The following PRKG2 variants were observed in gnomAD, a reference collection of about 807,000 sequenced individuals.
PRKG2 encodes cGMP-dependent protein kinase 2.
In PRKG2, 33 loss-of-function variants were observed where a neutral mutation model predicts 97.2. The observed-to-expected ratio is 0.34, with a 90% confidence interval of 0.26 to 0.45. The LOEUF (loss-of-function observed/expected upper bound fraction) is 0.45. Among genes scored for constraint, PRKG2 ranks in the 20% least tolerant of loss-of-function variants. The probability of loss-of-function intolerance (pLI) is 1.00; values close to 1 mark genes in which losing one functional copy is unlikely to be tolerated. For missense variants in PRKG2, 638 were observed against 900.0 expected, an observed-to-expected ratio of 0.71 and a Z score of 3.73; for synonymous variants, 330 against 321.8, an observed-to-expected ratio of 1.03 and a Z score of -0.27.
chr4:81,108,229 C>T lies in PRKG2; in HGVS notation c.1940+2219G>A, dbSNP rs548956394. 7.4e-4 allele frequency among the ~76,000 whole-genome samples: 112 copies of T among 152,008 alleles called. 1 individual carries two copies. Among genetic ancestry groups the T allele is most frequent in the Admixed American group, 1.0e-3 (16 of 15,262 alleles). On this transcript the variant is annotated intron_variant, in intron 15 of 18. Transcript: ENST00000264399. ...CAAAAATAAATAAATAATAAAAACACTTTCATATTTATTCTATTATGCCAT... is the reference window on the plus strand; with the variant it reads ...CAAAAATAAATAAATAATAAAAACATTTTCATATTTATTCTATTATGCCAT...
chr4:81,134,225 CAT>C (rs1475914816), intron 14 of PRKG2, among the ~76,000 whole-genome samples: 1 of 151,992 alleles, frequency 6.6e-6, no homozygotes, highest in Non-Finnish European at 1.5e-5. Flanking sequence ...ACAACTATAA[CAT>C]GTGGGTGATG....
chr4:81,125,090 C>G (rs1372611457), intron 14 of PRKG2, among the ~76,000 whole-genome samples: 1 of 152,026 alleles, frequency 6.6e-6, no homozygotes, highest in African/African-American at 2.4e-5. Context: ...TTAAATGTAT[C>G]TTTCAGTTCA....
At chr4:81,108,559 C>T (rs1458583860) in intron 15 of PRKG2, among the ~76,000 whole-genome samples, 33 of 151,164 alleles carry the variant, frequency 2.2e-4, no homozygotes, top group Admixed American at 2.2e-3. Context: ...TCATGCCCTA[C>T]CCAGAAAATC....
intron 17 of PRKG2, among the ~76,000 whole-genome samples, chr4:81,096,436 T>C (rs1255882999): frequency 6.6e-6 from 1 of 152,100 alleles, no homozygotes; most frequent in African/African-American, 2.4e-5. Context: ...CTCAGGAGGC[T>C]AAGGCAGGAA....
At chr4:81,098,473 C>T (rs1007913521) in intron 17 of PRKG2, among the ~76,000 whole-genome samples, 8 of 152,144 alleles carry the variant, frequency 5.3e-5, no homozygotes, top group African/African-American at 1.9e-4. Flanking sequence ...GCACAGGAGG[C>T]CTAGCTTTCA....
intron 6 of PRKG2, among the ~76,000 whole-genome samples, chr4:81,160,163 C>T (rs1236274018): frequency 1.3e-5 from 2 of 151,842 alleles, no homozygotes; most frequent in Non-Finnish European, 2.9e-5. Context: ...CAAGTGGAGA[C>T]ACATAATTGA....
intron 12 of PRKG2, 89 bp downstream of exon 12, chr4:81,140,444 A>G (rs1747166514): frequency 1.3e-5 from 16 of 1,204,596 alleles, no homozygotes; most frequent in Non-Finnish European, 1.6e-5. Context: ...ACCCACAAAA[A>G]TTAAAAATAA....
chr4:81,153,786 G>A lies in PRKG2; in HGVS notation c.913-65C>T, dbSNP rs541037136. 3.5e-6 allele frequency: 4 copies of A among 1,151,308 alleles called. No homozygotes were observed. In the South Asian group the frequency reaches 5.0e-5, roughly 14 times the overall value. The allele number at this position is 1,151,308 out of a possible 1,614,324, so 71.3% of individuals were successfully genotyped here. A position where few individuals can be genotyped will look rare whatever the true frequency, so the allele number is the denominator to read the frequency against. On this transcript the variant is annotated intron_variant, in intron 6 of 18. Coordinates refer to ENST00000264399, the MANE Select transcript of PRKG2 (RefSeq NM_006259.3). ...GAGCCAAGATGGCCTAATAGGAACAGCTCCAGTATACAGCTCCCAGCGTGA... is the reference window on the plus strand; with the variant it reads ...GAGCCAAGATGGCCTAATAGGAACAACTCCAGTATACAGCTCCCAGCGTGA...
At chr4:81,094,212 T>C (rs1335034154) in intron 17 of PRKG2, among the ~76,000 whole-genome samples, 1 of 152,188 alleles carries the variant, frequency 6.6e-6, no homozygotes, top group Non-Finnish European at 1.5e-5. Flanking sequence ...GACTGGTGCC[T>C]AGTTTTAAAT....
At chr4:81,171,091 G>A (rs1405903281) in intron 4 of PRKG2, among the ~76,000 whole-genome samples, 3 of 151,942 alleles carry the variant, frequency 2.0e-5, no homozygotes, top group African/African-American at 7.3e-5. Flanking sequence ...GTGGTGCTTT[G>A]CTGCAACTAT....
chr4:81,207,115 A>G (rs1353378398), intron 1 of PRKG2, among the ~76,000 whole-genome samples: 1 of 152,230 alleles, frequency 6.6e-6, no homozygotes, highest in African/African-American at 2.4e-5. Flanking sequence ...AGCCCTGGAC[A>G]TACTTGTACC....
At chr4:81,166,731 C>A (rs1750019903) in intron 6 of PRKG2, among the ~76,000 whole-genome samples, 1 of 152,024 alleles carries the variant, frequency 6.6e-6, no homozygotes, top group African/African-American at 2.4e-5. Flanking sequence ...TGTTTCACAG[C>A]CTGACTCAGA....
At chr4:81,101,294 T>C (rs549181920) in intron 17 of PRKG2, among the ~76,000 whole-genome samples, 60 of 152,190 alleles carry the variant, frequency 3.9e-4, no homozygotes, top group African/African-American at 1.3e-3. Context: ...CTATTCACAA[T>C]AGCAAAGACA....
At chr4:81,144,048 A>G (rs922731683) in intron 10 of PRKG2, among the ~76,000 whole-genome samples, 184 bp downstream of exon 10, 1 of 152,200 alleles carries the variant, frequency 6.6e-6, no homozygotes, top group African/African-American at 2.4e-5. Flanking sequence ...TTTCTAATAG[A>G]TAATATCCAT....
chr4:81,143,304 T>TA (rs1174629275), intron 10 of PRKG2, among the ~76,000 whole-genome samples: 11 of 152,062 alleles, frequency 7.2e-5, no homozygotes, highest in Non-Finnish European at 1.6e-4. Flanking sequence ...AAAAAGCTGT[T>TA]AAAAAACAAC....
chr4:81,101,271 G>A (rs539719992), intron 17 of PRKG2, among the ~76,000 whole-genome samples: 12 of 152,244 alleles, frequency 7.9e-5, no homozygotes, highest in Admixed American at 2.0e-4. Context: ...GCACACGTAC[G>A]TTTATTGGGG....
intron 2 of PRKG2, among the ~76,000 whole-genome samples, chr4:81,177,315 G>A (rs1751017502): frequency 6.6e-6 from 1 of 152,200 alleles, no homozygotes; most frequent in South Asian, 2.1e-4. Context: ...ATAACTTGGT[G>A]TATAGACATA....
intron 1 of PRKG2, among the ~76,000 whole-genome samples, chr4:81,208,621 GC>G (rs1753805624): frequency 6.6e-6 from 1 of 151,960 alleles, no homozygotes; most frequent in Non-Finnish European, 1.5e-5. Flanking sequence ...ATGGGGTCTT[GC>G]ACTATGTTGC....
At chr4:81,195,998 G>A (rs1752936216) in intron 2 of PRKG2, among the ~76,000 whole-genome samples, 1 of 152,116 alleles carries the variant, frequency 6.6e-6, no homozygotes, top group Admixed American at 6.6e-5. Context: ...CCATTCCTGG[G>A]TAGGTTATAT....
Sources: gnomAD v4.1 joint callset for allele counts (sites outside exome capture counted in the v4.1 genomes callset) on GRCh38, gnomAD v4.1.1 for gene constraint, MANE v1.5 for transcripts, NCBI Gene and HGNC (gene_info 2026-07-23, HGNC 2026-07-21) for gene names.